PDYN: variants seen among roughly 807,000 people sequenced by gnomAD.
PDYN encodes proenkephalin-B.
Under a neutral mutation model 11.4 loss-of-function variants are expected in PDYN, and 5 were observed. That is an observed-to-expected ratio of 0.44 (90% CI 0.23 to 0.92). The LOEUF (loss-of-function observed/expected upper bound fraction) is 0.92. PDYN is among the 40% of genes least tolerant of loss of function. The probability of loss-of-function intolerance (pLI) is 0.24; values close to 1 mark genes in which losing one functional copy is unlikely to be tolerated. For synonymous variants in PDYN, 132 were observed against 129.5 expected (o/e 1.02, Z -0.13); for missense variants, 337 against 317.3 (o/e 1.06, Z -0.47).
chr20:1,983,019 GCAGTC>G lies in PDYN; in HGVS notation c.61_65del (p.Asp21ProfsTer35). ...CAGCACACAAGGAGCACCGCGACAG[GCAGTC>G]CGCTGTGGTGGAGGGGAACATGAGG... is the stretch of plus-strand genomic sequence containing the variant. On this transcript the variant is annotated frameshift_variant, in exon 3 of 4. Transcript: ENST00000217305. LOFTEE classifies it high-confidence loss of function. The G allele has an allele frequency of 6.2e-7, 1 of 1,614,010 alleles. No homozygotes were observed. The highest frequency in any genetic ancestry group is 8.5e-7 in the Non-Finnish European group (1 of 1,179,934).
At chr20:1,989,416 C>T (rs1988335708) in intron 2 of PDYN, among the ~76,000 whole-genome samples, 1 of 152,176 alleles carries the variant, frequency 6.6e-6, no homozygotes, top group Non-Finnish European at 1.5e-5. Flanking sequence ...TCAGTCTTCT[C>T]ATCTGTGATT....
At chr20:1,992,918 G>A (rs900997229) in intron 1 of PDYN, among the ~76,000 whole-genome samples, 6 of 152,166 alleles carry the variant, frequency 3.9e-5, no homozygotes, top group African/African-American at 9.6e-5. Flanking sequence ...TCCAATAATC[G>A]AAAGAGCTTG....
intron 2 of PDYN, among the ~76,000 whole-genome samples, chr20:1,990,495 A>G (rs1210232170): frequency 1.3e-5 from 2 of 152,166 alleles, no homozygotes; most frequent in South Asian, 2.1e-4. Context: ...CGAATGATCA[A>G]TGGGAAGGAG....
intron 2 of PDYN, among the ~76,000 whole-genome samples, chr20:1,984,716 T>G (rs1188414410): frequency 6.6e-6 from 1 of 152,072 alleles, no homozygotes; most frequent in Non-Finnish European, 1.5e-5. Context: ...CTGACCAACA[T>G]AGTGAAACCC....
At chr20:1,985,485 C>T (rs1219596370) in intron 2 of PDYN, among the ~76,000 whole-genome samples, 1 of 152,184 alleles carries the variant, frequency 6.6e-6, no homozygotes, top group Non-Finnish European at 1.5e-5. Flanking sequence ...TCAGTGGCAG[C>T]TGCACCCTCC....
At chr20:1,984,895 T>C (rs986940007) in intron 2 of PDYN, among the ~76,000 whole-genome samples, 1 of 151,264 alleles carries the variant, frequency 6.6e-6, no homozygotes, top group Admixed American at 6.6e-5. Flanking sequence ...TGAGACTCCA[T>C]CTCAAAAAAA....
rs6045819 is a variant in PDYN, at chr20:1,980,488, A to G, written c.600T>C (p.His200=). ...AGEGDGDSMG[H]EDLYKRYGGF... ...CCCCATAGCGTTTGTACAGGTCCTC[A>G]TGGCCCATGCTATCCCCGTCCCCCT... The change falls in exon 4 of 4, where the codon CAT becomes CAC. Residue 200 remains histidine (H), a synonymous_variant. Coordinates refer to ENST00000217305, the MANE Select transcript of PDYN (RefSeq NM_024411.5). The G allele has an allele frequency of 0.12, 191,853 of 1,613,502 alleles. 13,351 individuals carry two copies. Among genetic ancestry groups the G allele is most frequent in the African/African-American group, 0.28 (21,272 of 74,784 alleles).
chr20:1,978,892 A>C lies in PDYN; in HGVS notation c.*1431T>G, dbSNP rs562699348. On this transcript the variant is annotated 3_prime_UTR_variant, in exon 4 of 4. Transcript: ENST00000217305. ...ACACAAAATAACTCTAAAACAATCT[A>C]TCCATTTCAGAACATCATCAGATAC... 2.0e-5 allele frequency: 3 copies of C among 152,344 alleles called. No individual in the cohort carries two copies. In the South Asian group the frequency reaches 6.2e-4, roughly 32 times the overall value. The allele number at this position is 152,344 out of a possible 1,614,324, so 9.4% of individuals were successfully genotyped here.
At chr20:1,989,448 C>T (rs1264384791) in intron 2 of PDYN, among the ~76,000 whole-genome samples, 3 of 152,180 alleles carry the variant, frequency 2.0e-5, no homozygotes, top group African/African-American at 7.2e-5. Flanking sequence ...TCTTCCTGCA[C>T]TGAGACAGCA....
rs1371958711 is a variant in PDYN at position 1,979,035 on chromosome 20, C to T, written c.*1288G>A. On this transcript the variant is annotated 3_prime_UTR_variant, in exon 4 of 4. Transcript: ENST00000217305. ...TGGACCCACAAACCAAAAGAGAGTG[C>T]CTGGGAATGAGAGAGCAAAAGAGAG... 1 of 152,080 alleles carries T rather than the reference C, an allele frequency of 6.6e-6. No individual in the cohort carries two copies. Among genetic ancestry groups the T allele is most frequent in the African/African-American group, 2.4e-5 (1 of 41,402 alleles). The allele number at this position is 152,080 out of a possible 1,614,324, so 9.4% of individuals were successfully genotyped here.
At chr20:1,983,419 G>C (rs1987957615) in intron 2 of PDYN, among the ~76,000 whole-genome samples, 1 of 152,222 alleles carries the variant, frequency 6.6e-6, no homozygotes, top group African/African-American at 2.4e-5. Context: ...GAGCTGGGAA[G>C]TGGTTGCACA....
chr20:1,982,658 G>A (rs1239288202), intron 3 of PDYN, among the ~76,000 whole-genome samples: 1 of 152,212 alleles, frequency 6.6e-6, no homozygotes, highest in Non-Finnish European at 1.5e-5. Flanking sequence ...TAGAGCTGCT[G>A]ACTGCCGAAG....
In PDYN at chr20:1,980,549, C is replaced by G. The variant is rs377075531; in HGVS notation, c.539G>C (p.Arg180Pro). Reference sequence around the variant, plus strand: ...CTCTGAGCTCCTCTTGGGGTATTTGCGCAAAAAGCCCCCATAGCGTTTGAC... The same window carrying G: ...CTCTGAGCTCCTCTTGGGGTATTTGGGCAAAAAGCCCCCATAGCGTTTGAC... ...EQVKRYGGFL[R>P]KYPKRSSEVA... is the part of the protein sequence containing the mutation. Residue 180 changes from arginine (R) to proline (P), a missense_variant, in exon 4 of 4, where the codon CGC (arginine) becomes CCC (proline). Physicochemically the swap from Arg to Pro is moderately radical, Grantham distance 103. Transcript: ENST00000217305. 1.3e-5 allele frequency: 21 copies of G among 1,613,690 alleles called. No individual in the cohort carries two copies. The highest frequency in any genetic ancestry group is 1.8e-5 in the Non-Finnish European group (21 of 1,179,796).
intron 2 of PDYN, among the ~76,000 whole-genome samples, chr20:1,987,257 ATG>A: frequency 7.3e-6 from 1 of 136,712 alleles, no homozygotes; most frequent in African/African-American, 3.7e-5. Context: ...TGATGAATGA[ATG>A]AATGAATGAA....
intron 2 of PDYN, among the ~76,000 whole-genome samples, chr20:1,989,980 G>A (rs1262277081): frequency 1.3e-5 from 2 of 152,186 alleles, no homozygotes; most frequent in Non-Finnish European, 2.9e-5. Context: ...GGGAAGGTGA[G>A]GATCAAGTGA....
At chr20:1,985,805 A>G (rs1054527445) in intron 2 of PDYN, among the ~76,000 whole-genome samples, 1 of 152,092 alleles carries the variant, frequency 6.6e-6, no homozygotes, top group Non-Finnish European at 1.5e-5. Flanking sequence ...TGCGGAGTGG[A>G]TTACAGTTCC....
intron 3 of PDYN, among the ~76,000 whole-genome samples, chr20:1,981,829 T>C (rs1027434918): frequency 1.4e-4 from 21 of 149,286 alleles, no homozygotes; most frequent in Admixed American, 1.3e-4. Flanking sequence ...GGGAGGCTGA[T>C]GTACAAGAAT....
At chr20:1,993,305 C>T (rs1487356775) in intron 1 of PDYN, among the ~76,000 whole-genome samples, 2 of 152,080 alleles carry the variant, frequency 1.3e-5, no homozygotes, top group African/African-American at 2.4e-5. Flanking sequence ...TTTCCCATTC[C>T]CTTCCAACAA....
chr20:1,983,449 C>A (rs11908120), intron 2 of PDYN, among the ~76,000 whole-genome samples: 7,685 of 152,272 alleles, frequency 0.05, 646 homozygotes, highest in African/African-American at 0.17. Context: ...AGTGGACAAG[C>A]CACGACTTGC....
Sources: gnomAD v4.1 joint callset for allele counts (sites outside exome capture counted in the v4.1 genomes callset) on GRCh38, gnomAD v4.1.1 for gene constraint, MANE v1.5 for transcripts, NCBI Gene and HGNC (gene_info 2026-07-23, HGNC 2026-07-21) for gene names.